NECAB1: variants seen among roughly 807,000 people sequenced by gnomAD.
The protein encoded by NECAB1 is N-terminal EF-hand calcium-binding protein 1.
A neutral mutation model predicts 57.5 loss-of-function variants in NECAB1; 29 were observed. The observed-to-expected ratio is 0.50, with a 90% CI of 0.38 to 0.69. NECAB1 has a LOEUF of 0.69. Ranked by LOEUF, NECAB1 falls within the 30% of genes least tolerant of loss-of-function variation. The pLI is 0.00. For missense variants in NECAB1, 372 were observed against 413.8 expected (o/e 0.90, Z 0.88); for synonymous variants, 142 against 147.7 (o/e 0.96, Z 0.28).
chr8:90,911,487 A>G (rs1212221708), intron 5 of NECAB1, among the ~76,000 whole-genome samples: 1 of 152,158 alleles, frequency 6.6e-6, no homozygotes, highest in Non-Finnish European at 1.5e-5. Flanking sequence ...CAAGTCAAGA[A>G]TGGAAAAATT....
At position 90,906,889 on chromosome 8, in the gene NECAB1, A is replaced by G. The variant is rs2740800; in HGVS notation, c.358-10603A>G. ...ATATGATATACACATATATATATAT[A>G]TATATATATATATATATATATCTTC... is the stretch of plus-strand genomic sequence containing the variant. On this transcript the variant is annotated intron_variant, in intron 5 of 12. Transcript: ENST00000417640. Among the ~76,000 whole-genome samples, 98 of 72,816 alleles carry G rather than the reference A, an allele frequency of 1.3e-3. 1 individual carries two copies. Among genetic ancestry groups the G allele is most frequent in the Middle Eastern group, 6.8e-3 (1 of 146 alleles). 47.8% of individuals were successfully genotyped at this position (72,816 alleles called of 152,430 possible).
intron 2 of NECAB1, among the ~76,000 whole-genome samples, chr8:90,813,843 T>A (rs1244445018): frequency 6.6e-6 from 1 of 152,222 alleles, no homozygotes; most frequent in Non-Finnish European, 1.5e-5. Flanking sequence ...TACAGAAAAA[T>A]TGTGAAGCTA....
chr8:90,928,224 C>T lies in NECAB1; in HGVS notation c.618C>T (p.Gly206=), dbSNP rs201113564. Residue 206 remains glycine, a splice_region_variant and synonymous_variant, in exon 8 of 13, where the codon GGC becomes GGT. Transcript: ENST00000417640. The part of the protein sequence containing the change: ...NSPQFNVSGP[G]LLEEDNQWMT... ...CCTCATGATTCCCCCTGGCCCCAGG[C>T]TTATTAGAAGAAGACAACCAGTGGA... is the stretch of plus-strand genomic sequence containing the variant. 147 of 1,605,928 alleles carry T rather than the reference C, an allele frequency of 9.2e-5. No homozygotes were observed. The African/African-American group carries it at 1.5e-3, about 16-fold the overall frequency.
At chr8:90,908,652 CA>C (rs529444950) in intron 5 of NECAB1, among the ~76,000 whole-genome samples, 498 of 152,104 alleles carry the variant, frequency 3.3e-3, no homozygotes, top group African/African-American at 0.012. Flanking sequence ...TAAAACAAAA[CA>C]AAAAGGAAAG....
chr8:90,919,167 C>T (rs28391763), intron 6 of NECAB1, among the ~76,000 whole-genome samples: 5,214 of 152,164 alleles, frequency 0.034, 289 homozygotes, highest in African/African-American at 0.12. Flanking sequence ...AAGGTGATCC[C>T]AGCCAACAGT....
At chr8:90,909,988 A>G (rs1586114956) in intron 5 of NECAB1, among the ~76,000 whole-genome samples, 1 of 151,742 alleles carries the variant, frequency 6.6e-6, no homozygotes, top group East Asian at 1.9e-4. Context: ...AATCCCTTTT[A>G]TTTGTTTTCT....
chr8:90,905,485 G>A (rs547942590), intron 5 of NECAB1, among the ~76,000 whole-genome samples: 1 of 152,258 alleles, frequency 6.6e-6, no homozygotes, highest in Admixed American at 6.5e-5. Context: ...AGGTTCATAG[G>A]CAGTTGGAAC....
At chr8:90,928,139 T>C in intron 7 of NECAB1, 84 bp from the exon 8 acceptor site, 2 of 1,013,640 alleles carry the variant, frequency 2.0e-6, no homozygotes, top group South Asian at 2.9e-5. Flanking sequence ...TCCTTCAGGG[T>C]TGAAGGAAAG....
intron 3 of NECAB1, among the ~76,000 whole-genome samples, chr8:90,848,292 T>C (rs2129766510): frequency 1.3e-5 from 2 of 152,308 alleles, no homozygotes; most frequent in Middle Eastern, 3.4e-3. Flanking sequence ...CTGGACTTAC[T>C]GTCCATATCA....
intron 3 of NECAB1, among the ~76,000 whole-genome samples, chr8:90,868,297 A>C (rs1808557331): frequency 6.6e-6 from 1 of 152,224 alleles, no homozygotes; most frequent in Non-Finnish European, 1.5e-5. Context: ...GTAATAGAGA[A>C]GTGGGACATT....
chr8:90,917,938 GTGTGTATATATATACACACACACA>G (rs1237073440), intron 6 of NECAB1, among the ~76,000 whole-genome samples: 1 of 40,654 alleles, frequency 2.5e-5, no homozygotes, highest in African/African-American at 5.6e-4. Flanking sequence ...ATATGTGTAT[GTGTGTATATATATACACACACACA>G]TATGTGTGTG....
intron 12 of NECAB1, among the ~76,000 whole-genome samples, chr8:90,953,946 G>T (rs1810966710): frequency 6.6e-6 from 1 of 151,926 alleles, no homozygotes; most frequent in African/African-American, 2.4e-5. Context: ...GTGCATACCT[G>T]TAATCCCAGC....
intron 8 of NECAB1, among the ~76,000 whole-genome samples, chr8:90,931,954 CCCA>C (rs948372804): frequency 1.3e-5 from 2 of 151,346 alleles, no homozygotes; most frequent in Admixed American, 1.3e-4. Context: ...AAAAAAAAAC[CCCA>C]CCTTTAATGT....
rs189576309 is a variant in NECAB1, at chr8:90,828,557, T to A, written c.233+3732T>A. The stretch of plus-strand genomic sequence containing the variant: ...TGACTGTTTGCCAGAATTCCTAATC[T>A]ATATATCCTGAAGATTTCATTCAGA... On this transcript the variant is annotated intron_variant, in intron 3 of 12. Transcript: ENST00000417640. Among the ~76,000 whole-genome samples the A allele has an allele frequency of 3.8e-3, 581 of 152,140 alleles. 2 individuals carry two copies. The highest frequency in any genetic ancestry group is 0.013 in the African/African-American group (526 of 41,532).
intron 3 of NECAB1, among the ~76,000 whole-genome samples, chr8:90,852,287 C>A (rs533861059): frequency 6.6e-6 from 1 of 152,270 alleles, no homozygotes; most frequent in African/African-American, 2.4e-5. Context: ...TCATCGAGGC[C>A]CTGAAAAGTT....
chr8:90,808,261 G>A (rs778061109), intron 2 of NECAB1, among the ~76,000 whole-genome samples: 4 of 152,100 alleles, frequency 2.6e-5, no homozygotes, highest in Admixed American at 6.5e-5. Flanking sequence ...ATCCCAAAAC[G>A]TGGCTGCTAC....
rs1554575432 is a variant in NECAB1, at chr8:90,917,870, A to ATATATATATATATATATATATATGTGTG, written c.494+243_494+244insATATATATATATATATATATATGTGTGT. Among the ~76,000 whole-genome samples, 265 of 64,094 alleles carry ATATATATATATATATATATATATGTGTG rather than the reference A, an allele frequency of 4.1e-3. 4 individuals carry two copies. The highest frequency in any genetic ancestry group is 0.01 in the East Asian group (9 of 874). The allele number at this position is 64,094 out of a possible 152,430, so 42.0% of individuals were successfully genotyped here. On this transcript the variant is annotated intron_variant, in intron 6 of 12. Coordinates refer to ENST00000417640, the MANE Select transcript of NECAB1 (RefSeq NM_022351.5). ...TATATATATATATATATATATATAT[A>ATATATATATATATATATATATATGTGTG]TGTGTGTGTGTGCGTGTATATATAT...
chr8:90,858,389 A>C (rs1298645835), intron 3 of NECAB1, among the ~76,000 whole-genome samples: 1 of 152,218 alleles, frequency 6.6e-6, no homozygotes, highest in Non-Finnish European at 1.5e-5. Flanking sequence ...ACTCTGTTCT[A>C]ATTATTTTAT....
intron 3 of NECAB1, among the ~76,000 whole-genome samples, chr8:90,835,970 T>C (rs1413036736): frequency 6.6e-6 from 1 of 152,360 alleles, no homozygotes; most frequent in Non-Finnish European, 1.5e-5. Context: ...GGAGAACTGA[T>C]TCCTTTTGTT....
Sources: gnomAD v4.1 joint callset for allele counts (sites outside exome capture counted in the v4.1 genomes callset) on GRCh38, gnomAD v4.1.1 for gene constraint, MANE v1.5 for transcripts, NCBI Gene and HGNC (gene_info 2026-07-23, HGNC 2026-07-21) for gene names.